The following CPEB1 variants were observed in gnomAD, a reference collection of about 807,000 sequenced individuals.
CPEB1 encodes cytoplasmic polyadenylation element binding protein 1.
A neutral mutation model predicts 65.8 loss-of-function variants in CPEB1; 7 were observed. The observed-to-expected ratio is 0.11, with a 90% CI of 0.06 to 0.20. The LOEUF (loss-of-function observed/expected upper bound fraction) is 0.20. Ranked by LOEUF, CPEB1 falls within the 10% of genes least tolerant of loss-of-function variation. CPEB1 has a pLI of 1.00. For missense variants in CPEB1, 551 were observed against 712.2 expected, an observed-to-expected ratio of 0.77 and a Z score of 2.58; for synonymous variants, 262 against 260.0, an observed-to-expected ratio of 1.01 and a Z score of -0.08.
intron 3 of CPEB1, among the ~76,000 whole-genome samples, chr15:82,610,997 G>GAAAA (rs1156567760): frequency 2.1e-4 from 20 of 94,112 alleles, no homozygotes; most frequent in African/African-American, 7.9e-4. Context: ...AAGAAAAAAA[G>GAAAA]AAAAAAAAAT....
chr15:82,609,502 GA>G (rs889060393), intron 3 of CPEB1, among the ~76,000 whole-genome samples: 26 of 136,458 alleles, frequency 1.9e-4, no homozygotes, highest in South Asian at 4.5e-4. Context: ...GCCTGTCTCA[GA>G]AAAAAAAAAA....
intron 12 of CPEB1, 45 bp from the exon 13 acceptor site, chr15:82,544,747 A>G: frequency 7.1e-7 from 1 of 1,409,176 alleles, no homozygotes; most frequent in Non-Finnish European, 1.0e-6. Context: ...CTGTGTCAGC[A>G]CCAGACACAG....
chr15:82,593,696 T>C (rs1739426237), intron 3 of CPEB1, among the ~76,000 whole-genome samples: 1 of 152,254 alleles, frequency 6.6e-6, no homozygotes, highest in African/African-American at 2.4e-5. Flanking sequence ...TAACTATCAA[T>C]GGCAGCTCTA....
chr15:82,547,874 T>C (rs1043532944), intron 10 of CPEB1, among the ~76,000 whole-genome samples: 1 of 151,812 alleles, frequency 6.6e-6, no homozygotes, highest in Non-Finnish European at 1.5e-5. Context: ...GGTTTCACCA[T>C]ATTGTCCAGG....
At chr15:82,584,989 C>G (rs1397532997) in intron 3 of CPEB1, among the ~76,000 whole-genome samples, 1 of 140,596 alleles carries the variant, frequency 7.1e-6, no homozygotes, top group Non-Finnish European at 1.5e-5. Context: ...ACAACATCCC[C>G]TAAATAAACT....
chr15:82,570,957 T>C (rs1017634077), intron 4 of CPEB1, among the ~76,000 whole-genome samples: 34 of 152,140 alleles, frequency 2.2e-4, no homozygotes, highest in African/African-American at 6.8e-4. Flanking sequence ...CATCCAGTAA[T>C]CAACCCCTTA....
chr15:82,600,897 C>CTTTT (rs751843256), intron 3 of CPEB1, among the ~76,000 whole-genome samples: 20 of 64,110 alleles, frequency 3.1e-4, no homozygotes, highest in East Asian at 4.9e-4. Context: ...CAGAACTTGT[C>CTTTT]TTTTTTTTTT....
chr15:82,608,280 TA>T (rs2043815065), intron 3 of CPEB1, among the ~76,000 whole-genome samples: 2 of 152,282 alleles, frequency 1.3e-5, no homozygotes, highest in Admixed American at 1.3e-4. Flanking sequence ...TTTTTTTTTT[TA>T]AACAAACTTT....
upstream of CPEB1, chr15:82,647,600 C>G (rs921178587): frequency 5.5e-5 from 18 of 326,070 alleles, no homozygotes; most frequent in Non-Finnish European, 1.0e-4. Flanking sequence ...CTCGGAGGCC[C>G]CACCGGCCGC....
chr15:82,637,524 C>T (rs2046762015), intron 1 of CPEB1, among the ~76,000 whole-genome samples: 1 of 152,166 alleles, frequency 6.6e-6, no homozygotes, highest in Admixed American at 6.5e-5. Context: ...CCCCATCAGC[C>T]CTCCGTACGG....
intron 3 of CPEB1, among the ~76,000 whole-genome samples, chr15:82,602,939 A>C (rs188920416): frequency 3.3e-4 from 50 of 152,362 alleles, no homozygotes; most frequent in Admixed American, 3.9e-4. Flanking sequence ...TTCTTCCTAC[A>C]TAAAAACCAA....
At chr15:82,615,431 A>G (rs1435688124) in intron 3 of CPEB1, among the ~76,000 whole-genome samples, 1 of 152,204 alleles carries the variant, frequency 6.6e-6, no homozygotes, top group Non-Finnish European at 1.5e-5. Context: ...TTAGTTGTCA[A>G]CTATGTAGCA....
At chr15:82,585,600 T>G (rs956495631) in intron 3 of CPEB1, among the ~76,000 whole-genome samples, 3 of 152,108 alleles carry the variant, frequency 2.0e-5, no homozygotes, top group Non-Finnish European at 4.4e-5. Context: ...ACAAAACAGG[T>G]GAAGCAATTT....
intron 9 of CPEB1, among the ~76,000 whole-genome samples, chr15:82,552,055 C>T (rs1184099696): frequency 6.6e-6 from 1 of 152,152 alleles, no homozygotes; most frequent in African/African-American, 2.4e-5. Context: ...GAATTCACCC[C>T]CACAGACTGG....
chr15:82,637,839 C>A, intron 1 of CPEB1: 1 of 320,002 alleles, frequency 3.1e-6, no homozygotes, highest in Non-Finnish European at 6.2e-6. Context: ...ATTTTAAGTA[C>A]TTTTAATTAC....
At chr15:82,564,011 A>T (rs1191500720) in intron 4 of CPEB1, among the ~76,000 whole-genome samples, 1 of 152,190 alleles carries the variant, frequency 6.6e-6, no homozygotes, top group African/African-American at 2.4e-5. Context: ...AATCTTTTAA[A>T]CATGCTTTTT....
intron 3 of CPEB1, among the ~76,000 whole-genome samples, chr15:82,622,033 C>T (rs1188436071): frequency 6.6e-6 from 1 of 152,208 alleles, no homozygotes; most frequent in African/African-American, 2.4e-5. Flanking sequence ...CTTTTCACAT[C>T]TTTACAGACA....
At chr15:82,621,159 C>T (rs756586127) in intron 3 of CPEB1, among the ~76,000 whole-genome samples, 5 of 152,128 alleles carry the variant, frequency 3.3e-5, no homozygotes, top group Non-Finnish European at 5.9e-5. Flanking sequence ...AGTGACGATA[C>T]GGTTTATGAT....
Position 82,600,406 on chromosome 15 carries a change from C to T in CPEB1, c.271+26787G>A, listed in dbSNP as rs186444132. Among the ~76,000 whole-genome samples the T allele has an allele frequency of 3.3e-5, 5 of 152,120 alleles. No homozygotes were observed. The East Asian group carries it at 7.7e-4, about 24-fold the overall frequency. ...ATATTCATCTTTAACATTAAATATG[C>T]TCCTTGAGCAGAAGGAAAGTGAACC... On this transcript the variant is annotated intron_variant, in intron 3 of 12. Transcript: ENST00000684509.
Sources: gnomAD v4.1 joint callset for allele counts (sites outside exome capture counted in the v4.1 genomes callset) on GRCh38, gnomAD v4.1.1 for gene constraint, MANE v1.5 for transcripts, NCBI Gene and HGNC (gene_info 2026-07-23, HGNC 2026-07-21) for gene names.